The following PRKCE variants were observed in gnomAD, a reference collection of about 807,000 sequenced individuals.
PRKCE encodes the protein protein kinase C epsilon type.
In PRKCE, 16 loss-of-function variants were observed where a neutral mutation model predicts 85.4. The observed-to-expected ratio is 0.19, with a 90% CI of 0.13 to 0.28. PRKCE has a LOEUF of 0.28. PRKCE is among the 10% of genes least tolerant of loss of function. The pLI, the probability that PRKCE is intolerant of heterozygous loss-of-function variation, is 1.00. For missense variants in PRKCE, 573 were observed against 975.2 expected (o/e 0.59, Z 5.49); for synonymous variants, 388 against 371.5 (o/e 1.04, Z -0.51).
intron 2 of PRKCE, among the ~76,000 whole-genome samples, chr2:45,926,735 G>C (rs935049045): frequency 6.6e-6 from 1 of 152,240 alleles, no homozygotes; most frequent in African/African-American, 2.4e-5. Flanking sequence ...AGACAGAGGG[G>C]CTCCTGTGGG....
chr2:45,903,221 A>AG (rs1294708091), intron 2 of PRKCE, among the ~76,000 whole-genome samples: 2 of 152,256 alleles, frequency 1.3e-5, no homozygotes, highest in East Asian at 1.9e-4. Flanking sequence ...GAGTCCTCCA[A>AG]GGGATCCCTG....
intron 10 of PRKCE, among the ~76,000 whole-genome samples, chr2:46,054,293 C>G (rs554671113): frequency 2.1e-4 from 32 of 152,306 alleles, no homozygotes; most frequent in Admixed American, 3.9e-4. Flanking sequence ...AGTGACCTCC[C>G]CATGCTGTGC....
chr2:45,913,307 C>G (rs1697512793), intron 2 of PRKCE, among the ~76,000 whole-genome samples: 1 of 152,208 alleles, frequency 6.6e-6, no homozygotes, highest in Non-Finnish European at 1.5e-5. Flanking sequence ...ACCATCATGC[C>G]AGACTAATTT....
chr2:46,149,016 G>A (rs1185601118), intron 12 of PRKCE, among the ~76,000 whole-genome samples: 1 of 152,210 alleles, frequency 6.6e-6, no homozygotes, highest in East Asian at 1.9e-4. Flanking sequence ...AGAGTTGGCT[G>A]CATTTTCTCA....
chr2:45,729,472 A>G (rs1681377417), intron 1 of PRKCE, among the ~76,000 whole-genome samples: 1 of 152,120 alleles, frequency 6.6e-6, no homozygotes, highest in African/African-American at 2.4e-5. Flanking sequence ...CCTCCATCAT[A>G]TGCATCTATG....
rs571523668 is a variant in PRKCE, at chr2:45,976,521, G to A, written c.505G>A (p.Gly169Ser). Residue 169 changes from glycine to serine, a missense_variant, in exon 3 of 15, where the codon GGC becomes AGC. This residue lies in a region of PRKCE where 29 missense variants were observed against 96.2 expected (regional missense o/e 0.30). Coordinates refer to ENST00000306156, the MANE Select transcript of PRKCE (RefSeq NM_005400.3). ...AVRRRVHQVN[G>S]HKFMATYLRQ... ...CAGGCGCAGGGTCCATCAGGTCAAC[G>A]GCCACAAGTTCATGGCCACCTATCT... is the stretch of plus-strand genomic sequence containing the variant. 9 of 1,599,774 alleles carry A rather than the reference G, an allele frequency of 5.6e-6. No homozygotes were observed. The highest frequency in any genetic ancestry group is 2.2e-5 in the East Asian group (1 of 44,880).
chr2:45,927,170 G>C (rs1472737730), intron 2 of PRKCE, among the ~76,000 whole-genome samples: 1 of 152,070 alleles, frequency 6.6e-6, no homozygotes, highest in Non-Finnish European at 1.5e-5. Flanking sequence ...ATGGTAAGAA[G>C]TATAGAATGT....
intron 10 of PRKCE, 192 bp downstream of exon 10, chr2:46,010,709 G>A (rs774288612): frequency 6.3e-7 from 1 of 1,598,486 alleles, no homozygotes; most frequent in Non-Finnish European, 8.5e-7. Flanking sequence ...ATTCAAGGTT[G>A]TGCTTGTGAA....
chr2:45,840,148 A>G, intron 1 of PRKCE, among the ~76,000 whole-genome samples: 1 of 152,174 alleles, frequency 6.6e-6, no homozygotes, highest in Non-Finnish European at 1.5e-5. Context: ...CTTTGCCAAT[A>G]AAGTCCACAG....
At chr2:46,066,285 G>C (rs1251015905) in intron 10 of PRKCE, among the ~76,000 whole-genome samples, 3 of 152,076 alleles carry the variant, frequency 2.0e-5, no homozygotes, top group Non-Finnish European at 4.4e-5. Flanking sequence ...CACTGGCTTG[G>C]CTAAAGTTAC....
At chr2:45,725,279 A>G (rs576746262) in intron 1 of PRKCE, among the ~76,000 whole-genome samples, 1 of 152,330 alleles carries the variant, frequency 6.6e-6, no homozygotes, top group East Asian at 1.9e-4. Flanking sequence ...CTGCTCAGAA[A>G]AAGATTTCTT....
intron 10 of PRKCE, among the ~76,000 whole-genome samples, chr2:46,036,268 C>T (rs530353256): frequency 6.6e-5 from 10 of 152,216 alleles, no homozygotes; most frequent in African/African-American, 2.4e-4. Flanking sequence ...ACTCACCTGA[C>T]CATTCTAGAA....
At chr2:46,144,565 C>T (rs1675880348) in intron 11 of PRKCE, among the ~76,000 whole-genome samples, 1 of 152,190 alleles carries the variant, frequency 6.6e-6, no homozygotes, top group African/African-American at 2.4e-5. Context: ...GGCGCTGTTT[C>T]CTGGAAGCCC....
intron 10 of PRKCE, among the ~76,000 whole-genome samples, chr2:46,033,814 C>T (rs540867520): frequency 1.3e-5 from 2 of 152,158 alleles, no homozygotes; most frequent in Non-Finnish European, 2.9e-5. Context: ...GGCAACTGGG[C>T]ATGGGAGGTG....
At chr2:45,694,031 G>A (rs1178907903) in intron 1 of PRKCE, among the ~76,000 whole-genome samples, 1 of 151,680 alleles carries the variant, frequency 6.6e-6, no homozygotes, top group Non-Finnish European at 1.5e-5. Flanking sequence ...TAATCCTGGG[G>A]GATGGAATTT....
intron 11 of PRKCE, among the ~76,000 whole-genome samples, chr2:46,128,631 T>C: frequency 6.6e-6 from 1 of 152,240 alleles, no homozygotes; most frequent in Non-Finnish European, 1.5e-5. Flanking sequence ...TCATAGGAGC[T>C]CCCTGTTTTG....
chr2:45,919,836 C>G (rs867735631), intron 2 of PRKCE, among the ~76,000 whole-genome samples: 3 of 152,362 alleles, frequency 2.0e-5, no homozygotes, highest in Middle Eastern at 3.4e-3. Context: ...ATCAGAACCT[C>G]CCCAAAGGGG....
intron 11 of PRKCE, among the ~76,000 whole-genome samples, chr2:46,125,486 A>C (rs1360753777): frequency 6.6e-6 from 1 of 152,212 alleles, no homozygotes; most frequent in Non-Finnish European, 1.5e-5. Flanking sequence ...ATTGGACAAG[A>C]GGTGGCTGTT....
intron 11 of PRKCE, among the ~76,000 whole-genome samples, chr2:46,091,687 TGA>T (rs1451343437): frequency 6.6e-6 from 1 of 152,186 alleles, no homozygotes; most frequent in Non-Finnish European, 1.5e-5. Flanking sequence ...AGGGATTTCA[TGA>T]GTGAATAGGT....
Sources: gnomAD v4.1 joint callset for allele counts (sites outside exome capture counted in the v4.1 genomes callset) on GRCh38, gnomAD v4.1.1 for gene constraint, gnomAD v4.1.1 regional missense constraint, MANE v1.5 for transcripts, NCBI Gene and HGNC (gene_info 2026-07-23, HGNC 2026-07-21) for gene names.